HIVEP1: variants seen among roughly 807,000 people sequenced by gnomAD.
HIVEP1 encodes zinc finger protein 40.
In HIVEP1, 36 loss-of-function variants were observed where a neutral mutation model predicts 180.0. That is an observed-to-expected ratio of 0.20 (90% CI 0.15 to 0.26). HIVEP1 has a LOEUF of 0.26. HIVEP1 is among the 10% of genes least tolerant of loss of function. The probability of loss-of-function intolerance (pLI) is 1.00; values close to 1 mark genes in which losing one functional copy is unlikely to be tolerated. For synonymous variants in HIVEP1, 1,239 were observed against 1,239.0 expected (o/e 1.00, Z 0.00); for missense variants, 3,143 against 3,268.7 (o/e 0.96, Z 0.94).
At chr6:12,165,240 GA>G (rs1164159054), downstream of HIVEP1, 41 of 410,154 alleles carry the variant, frequency 1.0e-4, 1 homozygote, top group South Asian at 7.6e-4. Flanking sequence ...AAATATATAA[GA>G]ATACTTTCTG....
At chr6:12,042,280 A>G (rs545758832) in intron 2 of HIVEP1, among the ~76,000 whole-genome samples, 1,619 of 147,544 alleles carry the variant, frequency 0.011, 66 homozygotes, top group African/African-American at 0.039. Context: ...ACGGGGTTTC[A>G]CCTTGTTAGC....
the HIVEP1 span, among the ~76,000 whole-genome samples, chr6:12,207,690 A>G: frequency 6.7e-6 from 1 of 150,080 alleles, no homozygotes; most frequent in South Asian, 2.1e-4. Context: ...GGCTTACTTT[A>G]GTCCAGGAGT....
the HIVEP1 span, among the ~76,000 whole-genome samples, chr6:12,186,534 A>G: frequency 1.0e-4 from 12 of 116,048 alleles, no homozygotes; most frequent in African/African-American, 3.8e-4. Context: ...TTTCACTAAA[A>G]CCATCAAATT....
chr6:12,163,985 G>A lies in HIVEP1; in HGVS notation c.7681G>A (p.Val2561Ile). 1 of 1,614,092 alleles carries A rather than the reference G, an allele frequency of 6.2e-7. No homozygotes were observed. Among genetic ancestry groups the A allele is most frequent in the Non-Finnish European group, 8.5e-7 (1 of 1,180,028 alleles). The change falls in exon 9 of 9, where the codon GTA (valine) becomes ATA (isoleucine). Residue 2561 changes from valine to isoleucine, a missense_variant. Transcript: ENST00000379388. ...LPTLIPSVSQ[V>I]AVDAQGAPEM... ...CACCTTAATCCCCTCAGTCAGTCAA[G>A]TAGCCGTTGATGCACAGGGAGCTCC...
intron 4 of HIVEP1, 36 bp downstream of exon 4, chr6:12,125,906 G>A (rs749825638): frequency 6.8e-6 from 9 of 1,315,506 alleles, no homozygotes; most frequent in Non-Finnish European, 9.5e-6. Context: ...GATATGGTTT[G>A]CGCAAATTTG....
intron 7 of HIVEP1, among the ~76,000 whole-genome samples, chr6:12,159,118 G>A (rs900744308): frequency 2.0e-5 from 3 of 152,074 alleles, no homozygotes; most frequent in African/African-American, 7.2e-5. Flanking sequence ...TTAGATTTTG[G>A]GCTGTTGATT....
chr6:12,123,957 T>G lies in HIVEP1; in HGVS notation c.4162T>G (p.Phe1388Val), dbSNP rs1338281502. The change falls in exon 4 of 9, where the codon TTC becomes GTC. Residue 1388 changes from phenylalanine (F) to valine (V), a missense_variant. Phe to Val is a conservative substitution (Grantham distance 50). Around this residue, in one of 12 missense-constraint regions of HIVEP1, gnomAD observed 1,357 missense variants for 1,260.5 expected, o/e 1.08. Coordinates refer to ENST00000379388, the MANE Select transcript of HIVEP1 (RefSeq NM_002114.4). ...GGTCTCTGATCTCAGAAGCAAATCATTCGATTGTGGAAGCATCACCCCACC... is the reference window on the plus strand; with the variant it reads ...GGTCTCTGATCTCAGAAGCAAATCAGTCGATTGTGGAAGCATCACCCCACC... ...MEVSDLRSKS[F>V]DCGSITPPQT... The G allele has an allele frequency of 6.2e-7, 1 of 1,614,042 alleles. No individual in the cohort carries two copies. The highest frequency in any genetic ancestry group is 8.5e-7 in the Non-Finnish European group (1 of 1,179,978).
the HIVEP1 span, among the ~76,000 whole-genome samples, chr6:12,205,099 G>T: frequency 1.3e-5 from 2 of 152,164 alleles, no homozygotes; most frequent in African/African-American, 4.8e-5. Context: ...GCTGGCAGGG[G>T]TGATGTCTCC....
intron 2 of HIVEP1, among the ~76,000 whole-genome samples, chr6:12,016,984 C>T (rs564479966): frequency 5.3e-5 from 8 of 152,286 alleles, no homozygotes; most frequent in South Asian, 2.1e-4. Flanking sequence ...AGCAGCAGCC[C>T]TAGCCCAGCA....
At chr6:12,210,812 G>A in the HIVEP1 span, among the ~76,000 whole-genome samples, 1 of 152,030 alleles carries the variant, frequency 6.6e-6, no homozygotes, top group African/African-American at 2.4e-5. Flanking sequence ...AGAAGAAACA[G>A]CTCCCAAATC....
At chr6:12,131,707 G>A (rs1317713653) in intron 6 of HIVEP1, among the ~76,000 whole-genome samples, 2 of 136,624 alleles carry the variant, frequency 1.5e-5, no homozygotes, top group Non-Finnish European at 3.0e-5. Flanking sequence ...AATTTTATAT[G>A]CCACTCTCTA....
rs1757858039 is a variant in HIVEP1, at chr6:12,123,706, G to A, written c.3911G>A (p.Arg1304Lys). ...TESSFDSTLS[R>K]SLSRESSLSH... is the part of the protein sequence containing the mutation. ...TCGAGCTTTGATTCCACTCTCTCCAGGAGTCTAAGTAGGGAGAGCAGTTTA... is the reference window on the plus strand; with the variant it reads ...TCGAGCTTTGATTCCACTCTCTCCAAGAGTCTAAGTAGGGAGAGCAGTTTA... Residue 1304 changes from arginine to lysine, a missense_variant, in exon 4 of 9, where the codon AGG becomes AAG. Physicochemically the swap from Arg to Lys is conservative, Grantham distance 26. Coordinates refer to ENST00000379388, the MANE Select transcript of HIVEP1 (RefSeq NM_002114.4). The A allele has an allele frequency of 6.2e-7, 1 of 1,613,834 alleles. No individual in the cohort carries two copies. The highest frequency in any genetic ancestry group is 1.1e-5 in the South Asian group (1 of 91,088).
chr6:12,139,296 C>T (rs219942), intron 7 of HIVEP1, among the ~76,000 whole-genome samples: 10,446 of 152,156 alleles, frequency 0.069, 1,193 homozygotes, highest in African/African-American at 0.24. Flanking sequence ...CTTGAACACC[C>T]GCAGCAGGCC....
intron 7 of HIVEP1, among the ~76,000 whole-genome samples, chr6:12,153,886 G>A (rs553284122): frequency 3.9e-5 from 6 of 152,264 alleles, no homozygotes; most frequent in Non-Finnish European, 7.4e-5. Context: ...AGTGGCTCAC[G>A]CCTGTAATCC....
chr6:12,179,023 A>C, the HIVEP1 span, among the ~76,000 whole-genome samples: 1 of 152,212 alleles, frequency 6.6e-6, no homozygotes, highest in Non-Finnish European at 1.5e-5. Context: ...AAAATATAGA[A>C]AGATATAAAC....
In HIVEP1 at chr6:12,163,802, G is replaced by A. The variant is rs767395650; in HGVS notation, c.7498G>A (p.Gly2500Ser). Reference sequence around the variant, plus strand: ...AAGCATGGAAACCGTCAATATTGTAGGCCTAGCCAATACAAATATGGCCCC... The same window carrying A: ...AAGCATGGAAACCGTCAATATTGTAAGCCTAGCCAATACAAATATGGCCCC... ...SLSMETVNIVGLANTNMAPQV... is the reference protein window; with the variant it reads ...SLSMETVNIVSLANTNMAPQV... Residue 2500 changes from glycine to serine, a missense_variant, in exon 9 of 9, where the codon GGC becomes AGC. By Grantham distance (56) the Gly-to-Ser change is moderately conservative (BLOSUM62 0). Around this residue, in one of 12 missense-constraint regions of HIVEP1, gnomAD observed 595 missense variants for 602.2 expected, o/e 0.99. Coordinates refer to ENST00000379388, the MANE Select transcript of HIVEP1 (RefSeq NM_002114.4). 6.2e-7 allele frequency: 1 copy of A among 1,614,144 alleles called. No homozygotes were observed.
At chr6:12,158,158 T>C (rs1486735039) in intron 7 of HIVEP1, among the ~76,000 whole-genome samples, 1 of 152,220 alleles carries the variant, frequency 6.6e-6, no homozygotes, top group Non-Finnish European at 1.5e-5. Context: ...CCTTCTTGTA[T>C]GCCTTGTAAT....
rs147927050 is a variant in HIVEP1, at chr6:12,121,322, C to T, written c.1527C>T (p.Gly509=). The change falls in exon 4 of 9, where the codon GGC becomes GGT. Residue 509 remains glycine, a synonymous_variant. Transcript: ENST00000379388. This position sits in a 1 kb window ranked among gnomAD's most constrained non-coding sequence, Gnocchi z 5.3. Reference sequence around the variant, plus strand: ...CTGATGAGAGACAGCATGACCTGGGCGCCATGGAGCTGCAGCCTGTGCACA... The same window carrying T: ...CTGATGAGAGACAGCATGACCTGGGTGCCATGGAGCTGCAGCCTGTGCACA... ...GATDERQHDL[G]AMELQPVHII... 2.5e-5 allele frequency: 40 copies of T among 1,614,064 alleles called. No individual in the cohort carries two copies. The highest frequency in any genetic ancestry group is 6.7e-5 in the East Asian group (3 of 44,872).
intron 7 of HIVEP1, among the ~76,000 whole-genome samples, chr6:12,151,384 A>AG (rs749958513): frequency 2.6e-5 from 4 of 152,184 alleles, no homozygotes; most frequent in Non-Finnish European, 4.4e-5. Context: ...ATGGCTGCAA[A>AG]GGGGTAAGCC....
Sources: gnomAD v4.1 joint callset for allele counts (sites outside exome capture counted in the v4.1 genomes callset) on GRCh38, gnomAD v4.1.1 for gene constraint, gnomAD v4.1.1 regional missense constraint, Gnocchi (gnomAD v3.1) non-coding constraint, MANE v1.5 for transcripts, NCBI Gene and HGNC (gene_info 2026-07-23, HGNC 2026-07-21) for gene names.